ADCY8: variants seen among roughly 807,000 people sequenced by gnomAD.
ADCY8 encodes adenylate cyclase 8.
ADCY8 carries 51 observed loss-of-function variants against 119.7 expected under a neutral mutation model. The observed-to-expected ratio is 0.43, with a 90% CI of 0.34 to 0.54. The LOEUF (loss-of-function observed/expected upper bound fraction) is 0.54. Ranked by LOEUF, ADCY8 falls within the 20% of genes least tolerant of loss-of-function variation. The pLI, the probability that ADCY8 is intolerant of heterozygous loss-of-function variation, is 0.03. For missense variants in ADCY8, 1,383 were observed against 1,598.8 expected, an observed-to-expected ratio of 0.87 and a Z score of 2.30; for synonymous variants, 665 against 651.0, an observed-to-expected ratio of 1.02 and a Z score of -0.33.
intron 1 of ADCY8, among the ~76,000 whole-genome samples, chr8:131,038,492 A>T (rs968149812): frequency 6.6e-6 from 1 of 152,230 alleles, no homozygotes; most frequent in Non-Finnish European, 1.5e-5. Context: ...TAGTAAATTT[A>T]AACAATAGAA....
rs143996330 is a variant in ADCY8, at chr8:130,803,428, T to C, written c.2914-2856A>G. Among the ~76,000 whole-genome samples the C allele has an allele frequency of 2.4e-3, 372 of 152,364 alleles. 3 individuals are homozygous for C. The highest frequency in any genetic ancestry group is 7.6e-3 in the African/African-American group (318 of 41,588). On this transcript the variant is annotated intron_variant, in intron 14 of 17. Transcript: ENST00000286355. ...GGATTCCATGAGGGCAAAAACCACA[T>C]GCCATTCATCTTATTGCACTCCAAT...
intron 2 of ADCY8, among the ~76,000 whole-genome samples, chr8:130,979,291 A>G (rs543748268): frequency 1.3e-5 from 2 of 152,258 alleles, no homozygotes; most frequent in African/African-American, 2.4e-5. Context: ...TCCTCTGGGT[A>G]GCTTTAGTGT....
rs1367087911 is a variant in ADCY8, at chr8:131,040,605, G to C, written c.-272C>G. 1 of 349,558 alleles carries C rather than the reference G, an allele frequency of 2.9e-6. No homozygotes were observed. The allele number at this position is 349,558 out of a possible 1,614,324, so 21.7% of individuals were successfully genotyped here. A position where few individuals can be genotyped will look rare whatever the true frequency, so the allele number is the denominator to read the frequency against. ...GCAGCTTGGGTACGCAGCGGCAGTG[G>C]CTATTTGTCCTCAGGAGCCGCAGCG... On this transcript the variant is annotated 5_prime_UTR_variant, in exon 1 of 18. Coordinates refer to ENST00000286355, the MANE Select transcript of ADCY8 (RefSeq NM_001115.3).
intron 1 of ADCY8, among the ~76,000 whole-genome samples, chr8:131,005,899 A>T (rs971213832): frequency 3.9e-5 from 6 of 152,160 alleles, no homozygotes; most frequent in Non-Finnish European, 8.8e-5. Context: ...GCTTCAGCTT[A>T]CTTCATTTAC....
chr8:130,891,093 T>G (rs545362591), intron 7 of ADCY8, among the ~76,000 whole-genome samples: 1 of 152,242 alleles, frequency 6.6e-6, no homozygotes, highest in African/African-American at 2.4e-5. Flanking sequence ...CAGAAGTAGG[T>G]AGGGCCAGTA....
intron 3 of ADCY8, among the ~76,000 whole-genome samples, chr8:130,949,026 C>G (rs745925824): frequency 6.6e-5 from 10 of 152,130 alleles, no homozygotes; most frequent in Non-Finnish European, 1.2e-4. Flanking sequence ...TTCTCCTCCC[C>G]CTAGTAACGG....
intron 7 of ADCY8, among the ~76,000 whole-genome samples, chr8:130,891,761 T>G (rs1819196326): frequency 6.6e-6 from 1 of 152,098 alleles, no homozygotes. Flanking sequence ...GAGCCCTTGA[T>G]AAAATATCCA....
At chr8:130,797,735 G>C (rs1408117208) in intron 15 of ADCY8, among the ~76,000 whole-genome samples, 4 of 152,162 alleles carry the variant, frequency 2.6e-5, no homozygotes, top group Admixed American at 2.6e-4. Flanking sequence ...GACTTCTTGT[G>C]TAAGGGCAAC....
In ADCY8 at chr8:130,964,410, T is replaced by C. The variant is rs145893394; in HGVS notation, c.1111-12412A>G. Reference sequence around the variant, plus strand: ...TTGTCCTCAAACCCAGCTATGTTAGTTTTATCATCTGTTAGTGTATTTATG... The same window carrying C: ...TTGTCCTCAAACCCAGCTATGTTAGCTTTATCATCTGTTAGTGTATTTATG... On this transcript the variant is annotated intron_variant, in intron 2 of 17. Transcript: ENST00000286355. Among the ~76,000 whole-genome samples the C allele has an allele frequency of 4.3e-3, 645 of 150,056 alleles. 2 individuals are homozygous for C. The highest frequency in any genetic ancestry group is 0.016 in the African/African-American group (612 of 39,338).
At chr8:130,836,233 C>T in intron 12 of ADCY8, 44 bp downstream of exon 12, 1 of 1,548,592 alleles carries the variant, frequency 6.5e-7, no homozygotes, top group South Asian at 1.2e-5. Flanking sequence ...CCACTTCCCA[C>T]AGGAAGTTGA....
intron 15 of ADCY8, among the ~76,000 whole-genome samples, chr8:130,796,351 G>T (rs140014694): frequency 6.6e-6 from 1 of 152,190 alleles, no homozygotes; most frequent in Non-Finnish European, 1.5e-5. Flanking sequence ...ATGTGAGAGG[G>T]CTCTTCAGCC....
chr8:131,010,640 C>T (rs1311953047), intron 1 of ADCY8, among the ~76,000 whole-genome samples: 1 of 152,174 alleles, frequency 6.6e-6, no homozygotes, highest in Admixed American at 6.5e-5. Flanking sequence ...ATAATTCCAG[C>T]AATGCTGTCT....
intron 10 of ADCY8, among the ~76,000 whole-genome samples, chr8:130,849,268 C>G (rs1398814496): frequency 6.6e-6 from 1 of 152,186 alleles, no homozygotes; most frequent in African/African-American, 2.4e-5. Flanking sequence ...TCCTTCAGTG[C>G]ATGGCACATA....
intron 14 of ADCY8, among the ~76,000 whole-genome samples, chr8:130,809,576 A>T (rs1816095360): frequency 1.5e-5 from 1 of 65,896 alleles, no homozygotes; most frequent in Non-Finnish European, 2.8e-5. Context: ...CACCTCCTTG[A>T]CTGATTAACA....
chr8:130,985,101 TC>T (rs560167905), intron 2 of ADCY8, among the ~76,000 whole-genome samples: 1 of 151,410 alleles, frequency 6.6e-6, no homozygotes, highest in Non-Finnish European at 1.5e-5. Flanking sequence ...AAAATCAAGT[TC>T]CCCCTAGTAA....
At chr8:130,923,116 C>G (rs1820363999) in intron 5 of ADCY8, among the ~76,000 whole-genome samples, 1 of 152,004 alleles carries the variant, frequency 6.6e-6, no homozygotes, top group South Asian at 2.1e-4. Flanking sequence ...GAACATCACT[C>G]TAATTGAAGC....
In ADCY8 at chr8:131,040,357, G is replaced by A. The variant is rs552220560; in HGVS notation, c.-24C>T. The A allele has an allele frequency of 6.8e-7, 1 of 1,468,446 alleles. No homozygotes were observed. Among genetic ancestry groups the A allele is most frequent in the South Asian group, 1.5e-5 (1 of 68,594 alleles). 91.0% of individuals were successfully genotyped at this position (1,468,446 alleles called of 1,614,324 possible). ...ATGGCTCTGGGCCGCAGGGAAGGAG[G>A]CCCAGAACCTTGGGGAGGCAGCCGG... On this transcript the variant is annotated 5_prime_UTR_variant, in exon 1 of 18. Coordinates refer to ENST00000286355, the MANE Select transcript of ADCY8 (RefSeq NM_001115.3).
intron 2 of ADCY8, among the ~76,000 whole-genome samples, chr8:130,961,275 A>T (rs936636107): frequency 9.9e-5 from 15 of 151,712 alleles, no homozygotes; most frequent in African/African-American, 3.4e-4. Context: ...CTCCTGGCTA[A>T]TTTTTTGTAT....
At chr8:130,911,672 C>A (rs1819985866) in intron 5 of ADCY8, among the ~76,000 whole-genome samples, 2 of 150,490 alleles carry the variant, frequency 1.3e-5, no homozygotes, top group African/African-American at 4.9e-5. Flanking sequence ...AATTAAAATA[C>A]TTTAAAGTAT....
Sources: gnomAD v4.1 joint callset for allele counts (sites outside exome capture counted in the v4.1 genomes callset) on GRCh38, gnomAD v4.1.1 for gene constraint, MANE v1.5 for transcripts, NCBI Gene and HGNC (gene_info 2026-07-23, HGNC 2026-07-21) for gene names.